LRRIQ1: variants seen among roughly 807,000 people sequenced by gnomAD.
LRRIQ1 encodes the protein leucine-rich repeat- and IQ domain-containing protein 1.
LRRIQ1 carries 210 observed loss-of-function variants against 211.9 expected under a neutral mutation model. The ratio of observed to expected loss-of-function variants is 0.99; its 90% CI spans 0.89 to 1.11. The LOEUF (loss-of-function observed/expected upper bound fraction) is 1.11. Among genes scored for constraint, LRRIQ1 ranks in the 50% most tolerant of loss-of-function variants. The pLI is 0.00. For synonymous variants in LRRIQ1, 699 were observed against 650.1 expected (o/e 1.08, Z -1.14); for missense variants, 2,136 against 1,939.5 (o/e 1.10, Z -1.90).
chr12:85,079,687 A>G (rs1017127993), intron 11 of LRRIQ1, among the ~76,000 whole-genome samples: 4 of 152,170 alleles, frequency 2.6e-5, no homozygotes, highest in African/African-American at 9.7e-5. Flanking sequence ...AATTAGTTAT[A>G]TCATTAATTT....
chr12:85,100,983 C>T (rs1011640305), intron 13 of LRRIQ1, among the ~76,000 whole-genome samples: 1 of 151,748 alleles, frequency 6.6e-6, no homozygotes, highest in African/African-American at 2.4e-5. Context: ...ATTGAACCTA[C>T]AACTTGGTCA....
At chr12:85,209,916 T>C (rs554734993) in intron 24 of LRRIQ1, among the ~76,000 whole-genome samples, 2 of 152,248 alleles carry the variant, frequency 1.3e-5, no homozygotes, top group East Asian at 3.9e-4. Context: ...GCCCATGGTA[T>C]TTCCACTTCA....
At chr12:85,123,617 G>A (rs1185504049) in intron 16 of LRRIQ1, among the ~76,000 whole-genome samples, 1 of 152,056 alleles carries the variant, frequency 6.6e-6, no homozygotes, top group Admixed American at 6.5e-5. Flanking sequence ...AGAGATAAAT[G>A]GGAATAAAAA....
At chr12:85,055,525 C>G in intron 7 of LRRIQ1, 22 bp from the exon 8 acceptor site, 2 of 1,440,582 alleles carry the variant, frequency 1.4e-6, no homozygotes, top group Non-Finnish European at 1.8e-6. Context: ...TGCTGACTAC[C>G]ATGTATCTTA....
At chr12:85,182,071 G>A (rs1427079312) in intron 24 of LRRIQ1, among the ~76,000 whole-genome samples, 1 of 151,916 alleles carries the variant, frequency 6.6e-6, no homozygotes, top group African/African-American at 2.4e-5. Context: ...TAACTCAAAT[G>A]TTTATAATAC....
At chr12:85,213,159 C>T (rs1424278345) in intron 24 of LRRIQ1, among the ~76,000 whole-genome samples, 3 of 151,266 alleles carry the variant, frequency 2.0e-5, no homozygotes, top group Non-Finnish European at 4.4e-5. Flanking sequence ...AAACATGCCA[C>T]AAAAACTCTA....
intron 24 of LRRIQ1, among the ~76,000 whole-genome samples, chr12:85,224,818 G>GGCACGTGTATAGTTATATAACAA (rs1894571321): frequency 6.6e-6 from 1 of 151,904 alleles, no homozygotes; most frequent in African/African-American, 2.4e-5. Context: ...AAACTACCAT[G>GGCACGTGTATAGTTATATAACAA]GCACGTGTAT....
rs552263969 is a variant in LRRIQ1, at chr12:85,038,140, T to G, written c.-24-13T>G. 7.1e-7 allele frequency: 1 copy of G among 1,408,548 alleles called. No individual in the cohort carries two copies. The allele number at this position is 1,408,548 out of a possible 1,614,324, so 87.3% of individuals were successfully genotyped here. On this transcript the variant is annotated splice_polypyrimidine_tract_variant and intron_variant, in intron 1 of 26. Transcript: ENST00000393217. ...TTTTAGTGACATATTAGCCTCTTCA[T>G]TTTTTAAAGCAGTTCTGTGCTTTAT...
intron 15 of LRRIQ1, among the ~76,000 whole-genome samples, chr12:85,110,719 A>T (rs1020282983): frequency 6.6e-6 from 1 of 152,150 alleles, no homozygotes; most frequent in Non-Finnish European, 1.5e-5. Flanking sequence ...ATTTAAAATC[A>T]TAAAGAACTA....
intron 19 of LRRIQ1, among the ~76,000 whole-genome samples, chr12:85,151,393 G>A (rs1298216750): frequency 6.6e-6 from 1 of 151,474 alleles, no homozygotes; most frequent in Non-Finnish European, 1.5e-5. Flanking sequence ...ATGAAAAATT[G>A]CATTTACATC....
In LRRIQ1 at chr12:85,072,990, C is replaced by G; in HGVS notation, c.2779C>G (p.Leu927Val). The G allele has an allele frequency of 6.2e-7, 1 of 1,612,804 alleles. No homozygotes were observed. Among genetic ancestry groups the G allele is most frequent in the East Asian group, 2.2e-5 (1 of 44,820 alleles). The change falls in exon 11 of 27, where the codon CTG becomes GTG. Residue 927 changes from leucine (L) to valine (V), a missense_variant. Coordinates refer to ENST00000393217, the MANE Select transcript of LRRIQ1 (RefSeq NM_001079910.2). ...HLGTSTSYLS[L>V]AQVWIPTGLC... Reference sequence around the variant, plus strand: ...GGGCACCTCCACTTCTTACTTATCCCTGGCACAAGTCTGGATTCCAACTGG... The same window carrying G: ...GGGCACCTCCACTTCTTACTTATCCGTGGCACAAGTCTGGATTCCAACTGG...
At position 85,159,898 on chromosome 12, in the gene LRRIQ1, T is replaced by C. The variant is rs554244100; in HGVS notation, c.4721-715T>C. Among the ~76,000 whole-genome samples, 4 of 152,154 alleles carry C rather than the reference T, an allele frequency of 2.6e-5. 1 individual carries two copies. The highest frequency in any genetic ancestry group is 1.3e-4 in the Admixed American group (2 of 15,262). ...ACCTGAGATTACATATATTAATACT[T>C]ATGAAATGTACCTAAACATTGTCCA... On this transcript the variant is annotated intron_variant, in intron 23 of 26. Transcript: ENST00000393217.
intron 8 of LRRIQ1, among the ~76,000 whole-genome samples, chr12:85,059,736 T>C (rs1212193453): frequency 1.3e-5 from 2 of 151,954 alleles, no homozygotes; most frequent in Middle Eastern, 3.2e-3. Flanking sequence ...AAATATTTAA[T>C]GTAGAGGACG....
At chr12:85,146,723 C>A (rs1889915220) in intron 19 of LRRIQ1, among the ~76,000 whole-genome samples, 1 of 151,744 alleles carries the variant, frequency 6.6e-6, no homozygotes, top group Non-Finnish European at 1.5e-5. Flanking sequence ...AACACTTAGA[C>A]CTTTCATCTT....
intron 19 of LRRIQ1, 146 bp downstream of exon 19, chr12:85,138,115 T>C: frequency 1.8e-6 from 1 of 546,106 alleles, no homozygotes; most frequent in South Asian, 3.0e-5. Flanking sequence ...CCTAACATCA[T>C]CTTCTTTTAT....
chr12:85,162,993 A>C (rs1890973830), intron 24 of LRRIQ1, among the ~76,000 whole-genome samples: 1 of 152,140 alleles, frequency 6.6e-6, no homozygotes, highest in African/African-American at 2.4e-5. Flanking sequence ...AGTGACGAAA[A>C]GTGAGGCAAA....
At chr12:85,190,727 A>T (rs1892470058) in intron 24 of LRRIQ1, among the ~76,000 whole-genome samples, 1 of 151,906 alleles carries the variant, frequency 6.6e-6, no homozygotes, top group South Asian at 2.1e-4. Flanking sequence ...AATGGAAATA[A>T]TAATGTGGGC....
At chr12:85,201,568 T>C (rs1893296350) in intron 24 of LRRIQ1, among the ~76,000 whole-genome samples, 1 of 152,152 alleles carries the variant, frequency 6.6e-6, no homozygotes, top group African/African-American at 2.4e-5. Flanking sequence ...TTCTAGTTTG[T>C]GTGAACAGAG....
At chr12:85,251,586 C>T (rs1201936431) in intron 1 of LRRIQ1, among the ~76,000 whole-genome samples, 1 of 151,698 alleles carries the variant, frequency 6.6e-6, no homozygotes, top group African/African-American at 2.4e-5. Flanking sequence ...TAAATTTAGC[C>T]GGTAAAGGCA....
Sources: gnomAD v4.1 joint callset for allele counts (sites outside exome capture counted in the v4.1 genomes callset) on GRCh38, gnomAD v4.1.1 for gene constraint, MANE v1.5 for transcripts, NCBI Gene and HGNC (gene_info 2026-07-23, HGNC 2026-07-21) for gene names.